FHIP1A: variants seen among roughly 807,000 people sequenced by gnomAD.
The protein encoded by FHIP1A is FHF complex subunit HOOK interacting protein 1A.
A neutral mutation model predicts 88.6 loss-of-function variants in FHIP1A; 61 were observed. That is an observed-to-expected ratio of 0.69 (90% CI 0.56 to 0.85). The LOEUF (loss-of-function observed/expected upper bound fraction) is 0.85. Among genes scored for constraint, FHIP1A ranks in the 40% least tolerant of loss-of-function variants. FHIP1A has a pLI of 0.00. For missense variants in FHIP1A, 1,154 were observed against 1,273.5 expected, an observed-to-expected ratio of 0.91 and a Z score of 1.43; for synonymous variants, 478 against 496.0, an observed-to-expected ratio of 0.96 and a Z score of 0.48.
intron 3 of FHIP1A, among the ~76,000 whole-genome samples, chr4:151,551,803 G>A (rs1348413302): frequency 2.6e-5 from 4 of 152,136 alleles, no homozygotes; most frequent in Non-Finnish European, 5.9e-5. Flanking sequence ...AACACCAAAA[G>A]CAATGGCAAC....
chr4:151,414,864 A>G (rs1032105143), intron 1 of FHIP1A, among the ~76,000 whole-genome samples: 4 of 152,210 alleles, frequency 2.6e-5, no homozygotes, highest in South Asian at 2.1e-4. Context: ...TATTACATAC[A>G]TGATACATAT....
chr4:151,458,434 G>A (rs1483687156), intron 2 of FHIP1A, among the ~76,000 whole-genome samples: 1 of 152,056 alleles, frequency 6.6e-6, no homozygotes. Context: ...TCTTCACCAG[G>A]TACTTTGGGA....
chr4:151,576,837 C>T (rs1185412667), intron 4 of FHIP1A: 3 of 152,234 alleles, frequency 2.0e-5, no homozygotes, highest in Admixed American at 6.6e-5. Context: ...ATTGTTCTGT[C>T]AAGGGCATAT....
intron 11 of FHIP1A, among the ~76,000 whole-genome samples, chr4:151,654,245 A>G (rs1737145573): frequency 6.6e-6 from 1 of 152,134 alleles, no homozygotes; most frequent in South Asian, 2.1e-4. Context: ...CCTTGACCTA[A>G]TGATATTCCG....
intron 7 of FHIP1A, among the ~76,000 whole-genome samples, chr4:151,595,719 T>C (rs1734621845): frequency 1.3e-5 from 2 of 152,244 alleles, no homozygotes; most frequent in Admixed American, 1.3e-4. Context: ...CTTTATTGGG[T>C]GCATATATAT....
At chr4:151,434,371 C>T (rs1221321292) in intron 1 of FHIP1A, among the ~76,000 whole-genome samples, 1 of 152,084 alleles carries the variant, frequency 6.6e-6, no homozygotes, top group Non-Finnish European at 1.5e-5. Flanking sequence ...TGTTATAGAT[C>T]AGTATATAAA....
chr4:151,491,104 T>A (rs1730266323), intron 3 of FHIP1A, among the ~76,000 whole-genome samples: 1 of 152,148 alleles, frequency 6.6e-6, no homozygotes, highest in South Asian at 2.1e-4. Context: ...CTGGTCTTGC[T>A]AGAGATCTAG....
rs1056485993 is a variant in FHIP1A at position 151,662,920 on chromosome 4, C to T, written c.*166C>T. The T allele has an allele frequency of 1.7e-5, 11 of 653,436 alleles. No individual in the cohort carries two copies. Among genetic ancestry groups the T allele is most frequent in the East Asian group, 3.1e-5 (1 of 32,342 alleles). 40.5% of individuals were successfully genotyped at this position (653,436 alleles called of 1,614,324 possible). ...TGTATCTTTCCTCTCTCTCTCTAGC[C>T]GGGCCTTTCCACCTTATGTTATATA... On this transcript the variant is annotated 3_prime_UTR_variant, in exon 14 of 14. Coordinates refer to ENST00000435205, the MANE Select transcript of FHIP1A (RefSeq NM_001109977.3).
At chr4:151,601,283 G>T (rs1734856934) in intron 7 of FHIP1A, among the ~76,000 whole-genome samples, 1 of 152,040 alleles carries the variant, frequency 6.6e-6, no homozygotes, top group African/African-American at 2.4e-5. Flanking sequence ...GGTCCATACA[G>T]GTCTACTGGG....
intron 5 of FHIP1A, among the ~76,000 whole-genome samples, chr4:151,578,351 T>C (rs1733888353): frequency 6.6e-6 from 1 of 152,200 alleles, no homozygotes; most frequent in Admixed American, 6.5e-5. Flanking sequence ...TGATTTTAGT[T>C]GTTCCAGGAG....
At position 151,526,571 on chromosome 4, in the gene FHIP1A, C is replaced by T. The variant is rs1171378287; in HGVS notation, c.-122-39567C>T. Among the ~76,000 whole-genome samples the T allele has an allele frequency of 7.6e-5, 11 of 145,694 alleles. No individual in the cohort carries two copies. The South Asian group carries it at 1.3e-3, about 18-fold the overall frequency. ...CCCAGTAGGGGCGGCCGGGCAGAGG[C>T]GCCCCTCACCTCCCGGACGGGGCGG... On this transcript the variant is annotated intron_variant, in intron 3 of 13. Coordinates refer to ENST00000435205, the MANE Select transcript of FHIP1A (RefSeq NM_001109977.3).
chr4:151,464,944 C>T (rs1047697717), intron 2 of FHIP1A, among the ~76,000 whole-genome samples: 11 of 152,104 alleles, frequency 7.2e-5, no homozygotes, highest in African/African-American at 2.4e-4. Context: ...TGCCATGGCT[C>T]ATGGCTGTAA....
chr4:151,655,876 C>T (rs1737212156), intron 11 of FHIP1A, among the ~76,000 whole-genome samples: 2 of 152,096 alleles, frequency 1.3e-5, no homozygotes, highest in Non-Finnish European at 2.9e-5. Context: ...ATGTTTTAAG[C>T]ATTGGCAGCC....
intron 7 of FHIP1A, among the ~76,000 whole-genome samples, chr4:151,590,200 CT>C (rs1445445690): frequency 6.6e-6 from 1 of 152,196 alleles, no homozygotes; most frequent in Non-Finnish European, 1.5e-5. Flanking sequence ...TATAGAAATT[CT>C]TTGGCAGTAA....
chr4:151,536,062 CGGT>C (rs1238694847), intron 3 of FHIP1A, among the ~76,000 whole-genome samples: 3 of 151,952 alleles, frequency 2.0e-5, no homozygotes, highest in Non-Finnish European at 4.4e-5. Flanking sequence ...TTTATATTCC[CGGT>C]GAAAGAATGC....
In FHIP1A at chr4:151,496,232, ATTATATATATATATTT is replaced by A. The variant is rs1190826798; in HGVS notation, c.-123+13603_-123+13618del. On this transcript the variant is annotated intron_variant, in intron 3 of 13. Coordinates refer to ENST00000435205, the MANE Select transcript of FHIP1A (RefSeq NM_001109977.3). The stretch of plus-strand genomic sequence containing the variant: ...ATCTAGTACATTAAATAAACAAAAG[ATTATATATATATATTT>A]TTATATATATATATTTTTTCTTTCT... Among the ~76,000 whole-genome samples, 253 of 149,404 alleles carry A rather than the reference ATTATATATATATATTT, an allele frequency of 1.7e-3. 1 individual carries two copies. Among genetic ancestry groups the A allele is most frequent in the African/African-American group, 5.1e-3 (209 of 41,084 alleles).
intron 8 of FHIP1A, among the ~76,000 whole-genome samples, chr4:151,632,198 G>A (rs1391961961): frequency 2.0e-5 from 3 of 151,668 alleles, no homozygotes; most frequent in Non-Finnish European, 1.5e-5. Context: ...AAAAGGACAC[G>A]AGATAAGGAA....
chr4:151,564,435 G>A (rs1210848343), intron 3 of FHIP1A, among the ~76,000 whole-genome samples: 2 of 152,154 alleles, frequency 1.3e-5, no homozygotes, highest in African/African-American at 4.8e-5. Context: ...GTTTATAAGG[G>A]CTAGTGAGGT....
chr4:151,546,416 C>T (rs78242984), intron 3 of FHIP1A, among the ~76,000 whole-genome samples: 78 of 152,334 alleles, frequency 5.1e-4, no homozygotes, highest in African/African-American at 1.8e-3. Flanking sequence ...ACTTCTTGGC[C>T]TCCATAATTG....
Sources: allele counts gnomAD v4.1 joint callset (sites outside exome capture counted in the v4.1 genomes callset), GRCh38; gene constraint gnomAD v4.1.1; transcripts MANE v1.5; gene names NCBI Gene and HGNC (gene_info 2026-07-23, HGNC 2026-07-21).